The following ARMCX4 variants were observed in gnomAD, a reference collection of about 807,000 sequenced individuals.
The protein encoded by ARMCX4 is armadillo repeat-containing X-linked protein 4.
A neutral mutation model predicts 34.7 loss-of-function variants in ARMCX4; 3 were observed. The observed-to-expected ratio is 0.09, with a 90% CI of 0.04 to 0.22. The LOEUF (loss-of-function observed/expected upper bound fraction) is 0.22, where lower values mean the gene tolerates loss of function less well. Among genes scored for constraint, ARMCX4 ranks in the 10% least tolerant of loss-of-function variants. ARMCX4 has a pLI of 1.00. For missense variants in ARMCX4, 1,448 were observed against 1,720.8 expected (o/e 0.84, Z 2.81); for synonymous variants, 513 against 632.8 (o/e 0.81, Z 2.84).
chrX:101,470,275 T>A (rs1301948324), intron 4 of ARMCX4, among the ~76,000 whole-genome samples: 2 of 112,178 alleles, frequency 1.8e-5, no homozygotes, highest in Admixed American at 1.9e-4. Context: ...TACTCTTTTG[T>A]GTCTGGCTCT....
intron 4 of ARMCX4, among the ~76,000 whole-genome samples, chrX:101,469,258 G>A (rs1318955023): frequency 8.9e-6 from 1 of 112,097 alleles, no homozygotes; most frequent in African/African-American, 3.2e-5. Context: ...TTGCAGCATT[G>A]TTTTTTATTG....
chrX:101,529,552 C>T (rs1333143033), intron 11 of ARMCX4, among the ~76,000 whole-genome samples: 6 of 111,674 alleles, frequency 5.4e-5, no homozygotes, highest in Non-Finnish European at 1.1e-4. Flanking sequence ...AGGCAACCTA[C>T]AGAATGGGAG....
At chrX:101,534,367 A>T (rs1215142345), downstream of ARMCX4, among the ~76,000 whole-genome samples, 1 of 111,435 alleles carries the variant, frequency 9.0e-6, no homozygotes, top group Admixed American at 9.6e-5. Flanking sequence ...TTTTTAGGGG[A>T]CTATAACAAA....
rs1207639055 is a variant in ARMCX4 at position 101,493,215 on chromosome X, C to T, written c.4626C>T (p.Ser1542=). Residue 1542 remains serine, a synonymous_variant, in exon 6 of 6, where the codon TCC becomes TCT. Coordinates refer to ENST00000423738, the MANE Select transcript of ARMCX4 (RefSeq NM_001256155.3). ...GGSRPGPTNQ[S]SAGSWDSPGS... is the part of the protein sequence containing the mutation. ...CTAGGCCAGGGCCCACGAACCAGTCCAGTGCTGGGTCCTGGGATAGCCCTG... is the reference window on the plus strand; with the variant it reads ...CTAGGCCAGGGCCCACGAACCAGTCTAGTGCTGGGTCCTGGGATAGCCCTG... 1.7e-6 allele frequency: 2 copies of T among 1,153,888 alleles called. No individual in the cohort carries two copies. The highest frequency in any genetic ancestry group is 2.3e-6 in the Non-Finnish European group (2 of 872,503).
chrX:101,430,064 T>C (rs1386065966), intron 2 of ARMCX4, among the ~76,000 whole-genome samples: 1 of 111,789 alleles, frequency 8.9e-6, no homozygotes, highest in African/African-American at 3.3e-5. Context: ...TGACAAATGT[T>C]CTATATCTTT....
In ARMCX4 at chrX:101,494,056, G is replaced by C; in HGVS notation, c.5467G>C (p.Ala1823Pro). The C allele has an allele frequency of 1.1e-6, 1 of 881,516 alleles. No homozygotes were observed. Among genetic ancestry groups the C allele is most frequent in the African/African-American group, 2.1e-5 (1 of 48,003 alleles). 72.6% of individuals were successfully genotyped at this position (881,516 alleles called of 1,213,427 possible). Residue 1823 changes from alanine (A) to proline (P), a missense_variant, in exon 6 of 6, where the codon GCT (alanine) becomes CCT (proline). Coordinates refer to ENST00000423738, the MANE Select transcript of ARMCX4 (RefSeq NM_001256155.3). ...GGCTGAGGCTGGGGCTGGGGCTGAG[G>C]CTGGGGCTGGGGCTGGGGCTGAGGC... ...AGAEAGAGAE[A>P]GAGAGAEAGA...
Position 101,491,569 on chromosome X carries a change from G to C in ARMCX4, c.2980G>C (p.Ala994Pro). The change falls in exon 6 of 6, where the codon GCT becomes CCT. Residue 994 changes from alanine to proline, a missense_variant. Physicochemically the swap from Ala to Pro is conservative, Grantham distance 27. Transcript: ENST00000423738. ...GGGCTCTGCCCAGCCCCAAGCTGTC[G>C]CTAATTCCCAGAGTGAGACCTTGCT... Reference protein sequence around the residue: ...TVGSAQPQAVANSQSETLLGA... With the variant: ...TVGSAQPQAVPNSQSETLLGA... 8.6e-7 allele frequency: 1 copy of C among 1,156,436 alleles called. No individual in the cohort carries two copies. The highest frequency in any genetic ancestry group is 1.9e-5 in the South Asian group (1 of 52,789).
At chrX:101,436,905 T>C (rs1279076331) in intron 2 of ARMCX4, among the ~76,000 whole-genome samples, 3 of 112,043 alleles carry the variant, frequency 2.7e-5, no homozygotes, top group East Asian at 5.5e-4. Context: ...AAGATAATCA[T>C]GTGGTTTTTG....
At position 101,487,675 on chromosome X, in the gene ARMCX4, C is replaced by T. The variant is rs782267987; in HGVS notation, c.-219C>T. On this transcript the variant is annotated 5_prime_UTR_variant, in exon 4 of 6. Coordinates refer to ENST00000423738, the MANE Select transcript of ARMCX4 (RefSeq NM_001256155.3). Reference sequence around the variant, plus strand: ...CAAAGAAACAAAGAGGAGATTGCTCCTGATCAGTATAGACTGGTAAGAGTG... The same window carrying T: ...CAAAGAAACAAAGAGGAGATTGCTCTTGATCAGTATAGACTGGTAAGAGTG... 105 of 961,865 alleles carry T rather than the reference C, an allele frequency of 1.1e-4. No individual in the cohort carries two copies. The South Asian group carries it at 1.9e-3, about 17-fold the overall frequency. 79.3% of individuals were successfully genotyped at this position (961,865 alleles called of 1,213,427 possible).
In ARMCX4 at chrX:101,489,239, G is replaced by T; in HGVS notation, c.650G>T (p.Arg217Met). ...CAGAGTGAGACCTTGGCAGTACCCA[G>T]GGAAGTGGCCAAGATGGGGGCCACG... is the stretch of plus-strand genomic sequence containing the variant. ...VTQSETLAVP[R>M]EVAKMGATNK... The change falls in exon 6 of 6, where the codon AGG (arginine) becomes ATG (methionine). Residue 217 changes from arginine to methionine, a missense_variant. Transcript: ENST00000423738. 8.7e-7 allele frequency: 1 copy of T among 1,155,185 alleles called. No homozygotes were observed. Among genetic ancestry groups the T allele is most frequent in the Non-Finnish European group, 1.1e-6 (1 of 872,157 alleles).
chrX:101,468,715 G>A (rs1250476269), intron 4 of ARMCX4, among the ~76,000 whole-genome samples: 1 of 109,802 alleles, frequency 9.1e-6, no homozygotes, highest in Admixed American at 9.8e-5. Flanking sequence ...CAGGGTTCAC[G>A]CCATTCTCCT....
intron 2 of ARMCX4, among the ~76,000 whole-genome samples, chrX:101,441,182 T>C (rs1028209514): frequency 5.4e-5 from 6 of 111,310 alleles, no homozygotes; most frequent in Non-Finnish European, 1.1e-4. Flanking sequence ...GCTTCCTCCA[T>C]GGTTTCTAAT....
intron 4 of ARMCX4, among the ~76,000 whole-genome samples, chrX:101,457,617 G>A (rs1474416979): frequency 9.0e-6 from 1 of 110,616 alleles, no homozygotes; most frequent in African/African-American, 3.3e-5. Flanking sequence ...CAGCTACTCG[G>A]GAGGCTGAGG....
downstream of ARMCX4, chrX:101,498,422 A>G: frequency 5.1e-6 from 1 of 197,106 alleles, no homozygotes. Context: ...TACTGGTAAA[A>G]TGGGACACAT....
At chrX:101,477,340 C>T (rs1234403821) in intron 4 of ARMCX4, among the ~76,000 whole-genome samples, 1 of 95,013 alleles carries the variant, frequency 1.1e-5, no homozygotes, top group African/African-American at 3.9e-5. Flanking sequence ...CTCAGGTAGC[C>T]GAGGCATGAA....
intron 7 of ARMCX4, among the ~76,000 whole-genome samples, chrX:101,501,488 T>C (rs1934298142): frequency 8.9e-6 from 1 of 112,424 alleles, no homozygotes; most frequent in African/African-American, 3.2e-5. Context: ...GAGCCCTGAG[T>C]AGCAGTGTGC....
At chrX:101,520,587 C>T (rs1480975546) in intron 11 of ARMCX4, among the ~76,000 whole-genome samples, 1 of 111,956 alleles carries the variant, frequency 8.9e-6, no homozygotes, top group Non-Finnish European at 1.9e-5. Flanking sequence ...CAGATGTTAA[C>T]CTGACTTTAC....
At chrX:101,458,256 A>G (rs1054201120) in intron 4 of ARMCX4, among the ~76,000 whole-genome samples, 4 of 111,282 alleles carry the variant, frequency 3.6e-5, no homozygotes, top group Non-Finnish European at 7.5e-5. Flanking sequence ...TGCTGTTGCA[A>G]TCATTTTCAA....
intron 4 of ARMCX4, among the ~76,000 whole-genome samples, chrX:101,454,606 T>C (rs1932172667): frequency 9.0e-6 from 1 of 110,890 alleles, no homozygotes; most frequent in East Asian, 2.8e-4. Context: ...AATTTCAAGG[T>C]ACTATCTTGA....
Sources: gnomAD v4.1 joint callset for allele counts (sites outside exome capture counted in the v4.1 genomes callset) on GRCh38, gnomAD v4.1.1 for gene constraint, MANE v1.5 for transcripts, NCBI Gene and HGNC (gene_info 2026-07-23, HGNC 2026-07-21) for gene names.